The following PPP2R2D variants were observed in gnomAD, a reference collection of about 807,000 sequenced individuals.
PPP2R2D encodes the protein serine/threonine-protein phosphatase 2A 55 kDa regulatory subunit B delta isoform.
In PPP2R2D, 9 loss-of-function variants were observed where a neutral mutation model predicts 31.1. The ratio of observed to expected loss-of-function variants is 0.29; its 90% CI spans 0.17 to 0.51. PPP2R2D has a LOEUF of 0.51. Among genes scored for constraint, PPP2R2D ranks in the 20% least tolerant of loss-of-function variants. The pLI is 0.98. For missense variants in PPP2R2D, 391 were observed against 465.6 expected (o/e 0.84, Z 1.48); for synonymous variants, 179 against 172.6 (o/e 1.04, Z -0.29).
downstream of PPP2R2D, among the ~76,000 whole-genome samples, chr10:131,962,436 C>T (rs1240431880): frequency 1.3e-5 from 2 of 152,188 alleles, no homozygotes; most frequent in South Asian, 2.1e-4. Context: ...GTTAAAGTCA[C>T]GTTCCGTTTT....
chr10:131,958,610 C>T lies in PPP2R2D; in HGVS notation c.*2647C>T, dbSNP rs1177566708. ...TGGGGATGAAGGTGTGTGCTGATCTCTTGTCCCCCTGTGGAGATGGAGGTG... is the reference window on the plus strand; with the variant it reads ...TGGGGATGAAGGTGTGTGCTGATCTTTTGTCCCCCTGTGGAGATGGAGGTG... On this transcript the variant is annotated 3_prime_UTR_variant, in exon 9 of 9. Coordinates refer to ENST00000455566, the MANE Select transcript of PPP2R2D (RefSeq NM_018461.5). The T allele has an allele frequency of 3.5e-5, 8 of 229,970 alleles. 1 individual carries two copies. The highest frequency in any genetic ancestry group is 1.7e-4 in the African/African-American group (7 of 40,550). 14.2% of individuals were successfully genotyped at this position (229,970 alleles called of 1,614,324 possible). A position where few individuals can be genotyped will look rare whatever the true frequency, so the allele number is the denominator to read the frequency against.
At chr10:131,923,483 C>T (rs1554894519) in intron 2 of PPP2R2D, among the ~76,000 whole-genome samples, 1 of 152,168 alleles carries the variant, frequency 6.6e-6, no homozygotes, top group Admixed American at 6.5e-5. Flanking sequence ...GGAGCTTGGT[C>T]ATATGGCAAC....
chr10:131,901,687 G>A (rs943792646), intron 2 of PPP2R2D, among the ~76,000 whole-genome samples: 6 of 152,328 alleles, frequency 3.9e-5, no homozygotes, highest in Admixed American at 2.0e-4. Flanking sequence ...AGACCGCGGC[G>A]GAGCCGGGGA....
the PPP2R2D span, chr10:131,968,515 A>C: frequency 1.3e-6 from 2 of 1,586,538 alleles, no homozygotes. Flanking sequence ...GTCAGACTCC[A>C]GTTCTTCATC....
chr10:131,907,564 C>T (rs1272324612), intron 2 of PPP2R2D, among the ~76,000 whole-genome samples: 2 of 151,990 alleles, frequency 1.3e-5, no homozygotes, highest in African/African-American at 4.8e-5. Context: ...CAGGGTGAAA[C>T]CCCGTCTCTA....
Position 131,957,503 on chromosome 10 carries a change from C to G in PPP2R2D, c.*1540C>G, listed in dbSNP as rs1352787685. 3.6e-5 allele frequency: 6 copies of G among 167,284 alleles called. No individual in the cohort carries two copies. The highest frequency in any genetic ancestry group is 1.5e-4 in the Admixed American group (2 of 13,692). 10.4% of individuals were successfully genotyped at this position (167,284 alleles called of 1,614,324 possible). ...TGTCTGGATGAAGGTGTGTGCTGAT[C>G]CCCCGTCCCCCTGTGGAGATGAAGG... On this transcript the variant is annotated 3_prime_UTR_variant, in exon 9 of 9. Transcript: ENST00000455566.
At chr10:131,921,894 C>T (rs918422666) in intron 2 of PPP2R2D, among the ~76,000 whole-genome samples, 1 of 152,132 alleles carries the variant, frequency 6.6e-6, no homozygotes, top group Admixed American at 6.5e-5. Flanking sequence ...ATAAAATTGC[C>T]TAGGAGTAAT....
In PPP2R2D at chr10:131,925,852, G is replaced by A. The variant is rs568895778; in HGVS notation, c.101-8606G>A. 1.4e-4 allele frequency among the ~76,000 whole-genome samples: 21 copies of A among 152,270 alleles called. No individual in the cohort carries two copies. In the South Asian group the frequency reaches 3.5e-3, roughly 26 times the overall value. ...TTCCCCCTCACAAATTGAATACGAGGCCACCACGCAGAGGTTGAAGAAGCC... is the reference window on the plus strand; with the variant it reads ...TTCCCCCTCACAAATTGAATACGAGACCACCACGCAGAGGTTGAAGAAGCC... On this transcript the variant is annotated intron_variant, in intron 2 of 8. Coordinates refer to ENST00000455566, the MANE Select transcript of PPP2R2D (RefSeq NM_018461.5).
the PPP2R2D span, chr10:131,970,680 A>G: frequency 1.9e-6 from 3 of 1,614,222 alleles, no homozygotes; most frequent in Admixed American, 5.0e-5. The surrounding 1 kb of genome is among the most constrained non-coding windows in gnomAD (Gnocchi z 4.1). Flanking sequence ...CAGAGATGGA[A>G]GGAAAACTTT....
rs1057511538 is a variant in PPP2R2D, at chr10:131,947,884, A to G, written c.1082+93A>G. ...GGGAGGCGAGCTGTCCTCCAGCGTC[A>G]GAGGAGGACGCTCATAGGGTGTTGT... is the stretch of plus-strand genomic sequence containing the variant. On this transcript the variant is annotated intron_variant, in intron 8 of 8. Coordinates refer to ENST00000455566, the MANE Select transcript of PPP2R2D (RefSeq NM_018461.5). The surrounding 1 kb of genome is among the most constrained non-coding windows in gnomAD (Gnocchi z 4.3). 3.4e-6 allele frequency: 5 copies of G among 1,480,066 alleles called. No individual in the cohort carries two copies. In the East Asian group the frequency reaches 1.1e-4, roughly 34 times the overall value. 91.7% of individuals were successfully genotyped at this position (1,480,066 alleles called of 1,614,324 possible). A position where few individuals can be genotyped will look rare whatever the true frequency, so the allele number is the denominator to read the frequency against.
At chr10:131,968,338 G>A in the PPP2R2D span, 1 of 538,194 alleles carries the variant, frequency 1.9e-6, no homozygotes, top group Non-Finnish European at 3.3e-6. Context: ...GATCCCATAG[G>A]TGTAATTATA....
intron 2 of PPP2R2D, among the ~76,000 whole-genome samples, chr10:131,923,920 C>G (rs2036045642): frequency 1.3e-5 from 2 of 152,066 alleles, no homozygotes; most frequent in Admixed American, 6.6e-5. Flanking sequence ...CCACAGCCGG[C>G]TAACTTTTAA....
chr10:131,951,605 G>A (rs1554898771), intron 8 of PPP2R2D, among the ~76,000 whole-genome samples: 3 of 152,152 alleles, frequency 2.0e-5, no homozygotes, highest in African/African-American at 4.8e-5. Flanking sequence ...GGCGGATCAC[G>A]AGGTCAGGAG....
chr10:131,928,913 A>G (rs1201437848), intron 2 of PPP2R2D, among the ~76,000 whole-genome samples: 1 of 152,230 alleles, frequency 6.6e-6, no homozygotes. Flanking sequence ...GATCTGATGC[A>G]TTCATATTTG....
rs1229531944 is a variant in PPP2R2D at position 131,901,020 on chromosome 10, C to CCGGCGGCGGCGGCGGCGG, written c.-120_-103dup. On this transcript the variant is annotated 5_prime_UTR_variant, in exon 1 of 9. Transcript: ENST00000455566. ...TTTGAAAAGGGAAAAAAATCCCTCCCCGGCGGCGGCGGCGGCGGCGGCGGC... is the reference window on the plus strand; with the variant it reads ...TTTGAAAAGGGAAAAAAATCCCTCCCCGGCGGCGGCGGCGGCGGCGGCGGCGGCGGCGGCGGCGGCGGC... The CCGGCGGCGGCGGCGGCGG allele has an allele frequency of 8.4e-3, 1,296 of 154,102 alleles. 24 individuals are homozygous for CCGGCGGCGGCGGCGGCGG. Among genetic ancestry groups the CCGGCGGCGGCGGCGGCGG allele is most frequent in the Admixed American group, 0.039 (586 of 14,888 alleles). 9.5% of individuals were successfully genotyped at this position (154,102 alleles called of 1,614,324 possible).
downstream of PPP2R2D, among the ~76,000 whole-genome samples, chr10:131,961,091 A>G (rs1283074703): frequency 1.3e-5 from 2 of 152,108 alleles, no homozygotes; most frequent in African/African-American, 4.8e-5. Flanking sequence ...AGGTGGGGAG[A>G]CAATGCAGCT....
In PPP2R2D at chr10:131,957,141, T is replaced by A. The variant is rs2036813245; in HGVS notation, c.*1178T>A. On this transcript the variant is annotated 3_prime_UTR_variant, in exon 9 of 9. Coordinates refer to ENST00000455566, the MANE Select transcript of PPP2R2D (RefSeq NM_018461.5). The stretch of plus-strand genomic sequence containing the variant: ...GGATTTAACACACGCCCACTACGTG[T>A]CCCCGAGGGGAGTGGGGAGTCGGGC... 1 of 164,972 alleles carries A rather than the reference T, an allele frequency of 6.1e-6. No homozygotes were observed. Among genetic ancestry groups the A allele is most frequent in the South Asian group, 1.5e-4 (1 of 6,888 alleles). 10.2% of individuals were successfully genotyped at this position (164,972 alleles called of 1,614,324 possible).
Position 131,958,628 on chromosome 10 carries a change from TGG to T in PPP2R2D, c.*2666_*2667del. On this transcript the variant is annotated 3_prime_UTR_variant, in exon 9 of 9. Transcript: ENST00000455566. Reference sequence around the variant, plus strand: ...CTGATCTCTTGTCCCCCTGTGGAGATGGAGGTGTGTGCTGATCCCCCATCCCC... The same window carrying T: ...CTGATCTCTTGTCCCCCTGTGGAGATAGGTGTGTGCTGATCCCCCATCCCC... The T allele has an allele frequency of 4.3e-6, 1 of 230,012 alleles. No homozygotes were observed. The highest frequency in any genetic ancestry group is 8.5e-6 in the Non-Finnish European group (1 of 118,260). 14.2% of individuals were successfully genotyped at this position (230,012 alleles called of 1,614,324 possible).
chr10:131,950,354 A>T (rs186772079), intron 8 of PPP2R2D, among the ~76,000 whole-genome samples: 27 of 152,226 alleles, frequency 1.8e-4, no homozygotes, highest in Non-Finnish European at 4.0e-4. Context: ...TCCATCTCAT[A>T]ATGAAATTGC....
Sources: gnomAD v4.1 joint callset for allele counts (sites outside exome capture counted in the v4.1 genomes callset) on GRCh38, gnomAD v4.1.1 for gene constraint, Gnocchi (gnomAD v3.1) non-coding constraint, MANE v1.5 for transcripts, NCBI Gene and HGNC (gene_info 2026-07-23, HGNC 2026-07-21) for gene names.